HS6ST3: variants seen among roughly 807,000 people sequenced by gnomAD.
The protein encoded by HS6ST3 is heparan sulfate 6-O-sulfotransferase 3, also known as heparan-sulfate 6-O-sulfotransferase 3.
HS6ST3 carries 12 observed loss-of-function variants against 36.7 expected under a neutral mutation model. The observed-to-expected ratio is 0.33, with a 90% CI of 0.21 to 0.53. The LOEUF (loss-of-function observed/expected upper bound fraction) is 0.53. Among genes scored for constraint, HS6ST3 ranks in the 20% least tolerant of loss-of-function variants. The pLI, the probability that HS6ST3 is intolerant of heterozygous loss-of-function variation, is 0.95. For synonymous variants in HS6ST3, 240 were observed against 257.5 expected, an observed-to-expected ratio of 0.93 and a Z score of 0.65; for missense variants, 584 against 640.9, an observed-to-expected ratio of 0.91 and a Z score of 0.96.
chr13:96,518,851 A>C (rs1193001756), intron 1 of HS6ST3, among the ~76,000 whole-genome samples: 3 of 152,194 alleles, frequency 2.0e-5, no homozygotes, highest in African/African-American at 7.2e-5. Context: ...ATTCAAAGTC[A>C]TTTTGTAGTT....
intron 1 of HS6ST3, among the ~76,000 whole-genome samples, chr13:96,805,064 A>G (rs1156649572): frequency 6.6e-6 from 1 of 152,214 alleles, no homozygotes; most frequent in East Asian, 1.9e-4. Flanking sequence ...GTTATTTTGG[A>G]CATACATAAA....
intron 1 of HS6ST3, among the ~76,000 whole-genome samples, chr13:96,148,517 T>C (rs567793803): frequency 6.6e-6 from 1 of 152,300 alleles, no homozygotes; most frequent in East Asian, 1.9e-4. Context: ...ACTAGAGCTA[T>C]TTATTAAGTG....
At chr13:96,360,419 A>G (rs1249994522) in intron 1 of HS6ST3, among the ~76,000 whole-genome samples, 2 of 152,100 alleles carry the variant, frequency 1.3e-5, no homozygotes, top group African/African-American at 4.8e-5. Context: ...TAGACCTTCA[A>G]GCTGGTTGTG....
intron 1 of HS6ST3, among the ~76,000 whole-genome samples, chr13:96,184,221 A>AAAAAAAGAGAGAGAGAGAGAG (rs1555389928): frequency 1.6e-5 from 1 of 61,004 alleles, no homozygotes; most frequent in African/African-American, 7.4e-5. Context: ...AAAAAAAAAA[A>AAAAAAAGAGAGAGAGAGAGAG]AGAGAGAGAG....
chr13:96,764,594 G>T (rs542211113), intron 1 of HS6ST3, among the ~76,000 whole-genome samples: 4 of 152,290 alleles, frequency 2.6e-5, no homozygotes, highest in Non-Finnish European at 2.9e-5. Flanking sequence ...AGTCTTTCCA[G>T]CCATGCCATC....
chr13:96,354,717 G>A (rs963908119), intron 1 of HS6ST3, among the ~76,000 whole-genome samples: 1 of 152,072 alleles, frequency 6.6e-6, no homozygotes, highest in Non-Finnish European at 1.5e-5. Flanking sequence ...GATAATGTAA[G>A]TGTTGTGAGA....
At chr13:96,628,843 GTTGT>G (rs761991866) in intron 1 of HS6ST3, among the ~76,000 whole-genome samples, 6 of 151,998 alleles carry the variant, frequency 3.9e-5, no homozygotes, top group Admixed American at 6.6e-5. Context: ...GTGTGTGTGT[GTTGT>G]TTAAGATATA....
intron 1 of HS6ST3, among the ~76,000 whole-genome samples, chr13:96,498,086 T>C (rs968849663): frequency 3.3e-5 from 5 of 152,168 alleles, no homozygotes; most frequent in Non-Finnish European, 7.3e-5. Flanking sequence ...TTGGGGGGAT[T>C]TCAGTGGGCT....
intron 1 of HS6ST3, among the ~76,000 whole-genome samples, chr13:96,593,362 T>C (rs896498517): frequency 6.6e-6 from 1 of 150,764 alleles, no homozygotes; most frequent in Non-Finnish European, 1.5e-5. Flanking sequence ...TTTTTTTTTG[T>C]TTTTCGTATT....
chr13:96,162,769 A>T (rs2054141969), intron 1 of HS6ST3, among the ~76,000 whole-genome samples: 1 of 152,200 alleles, frequency 6.6e-6, no homozygotes, highest in African/African-American at 2.4e-5. Context: ...ATTTTATGTT[A>T]TCTAGGAGTT....
chr13:96,832,408 A>G (rs1878820799), intron 1 of HS6ST3, 82 bp from the exon 2 acceptor site: 3 of 1,021,014 alleles, frequency 2.9e-6, no homozygotes, highest in Non-Finnish European at 4.2e-6. Context: ...CCTTGACTCA[A>G]TGCCGATGTA....
chr13:96,354,828 C>G (rs981665604), intron 1 of HS6ST3, among the ~76,000 whole-genome samples: 1 of 152,090 alleles, frequency 6.6e-6, no homozygotes, highest in African/African-American at 2.4e-5. Flanking sequence ...TACTTGCTAT[C>G]AAATATAGAA....
chr13:96,173,952 A>G (rs193124133), intron 1 of HS6ST3, among the ~76,000 whole-genome samples: 2 of 152,280 alleles, frequency 1.3e-5, no homozygotes, highest in Admixed American at 1.3e-4. Context: ...TGTAATCTGT[A>G]GGTAAACCAT....
chr13:96,833,334 T>TTGTCTTCA lies in HS6ST3; in HGVS notation c.*138_*145dup. Reference sequence around the variant, plus strand: ...TTGATTTGGACATCTTCTTCCTTCTTTGTCTTCATTTTTATCCAGCTGGAG... The same window carrying TTGTCTTCA: ...TTGATTTGGACATCTTCTTCCTTCTTTGTCTTCATGTCTTCATTTTTATCCAGCTGGAG... On this transcript the variant is annotated 3_prime_UTR_variant, in exon 2 of 2. Transcript: ENST00000376705. 1 of 650,974 alleles carries TTGTCTTCA rather than the reference T, an allele frequency of 1.5e-6. No homozygotes were observed. The highest frequency in any genetic ancestry group is 2.5e-6 in the Non-Finnish European group (1 of 392,398). The allele number at this position is 650,974 out of a possible 1,614,324, so 40.3% of individuals were successfully genotyped here.
intron 1 of HS6ST3, among the ~76,000 whole-genome samples, chr13:96,095,244 A>G (rs1378303187): frequency 6.6e-6 from 1 of 152,246 alleles, no homozygotes; most frequent in Non-Finnish European, 1.5e-5. Flanking sequence ...GCCAGGCACT[A>G]CGATAGTTCT....
intron 1 of HS6ST3, among the ~76,000 whole-genome samples, chr13:96,366,855 T>C (rs186456926): frequency 1.8e-4 from 28 of 152,340 alleles, no homozygotes; most frequent in Admixed American, 1.3e-3. Context: ...TTCCCCATAC[T>C]GTTCTCATGG....
chr13:96,467,108 T>G (rs1323917976), intron 1 of HS6ST3, among the ~76,000 whole-genome samples: 6 of 152,184 alleles, frequency 3.9e-5, no homozygotes, highest in African/African-American at 1.4e-4. Context: ...TAAACTTCCC[T>G]TCTGTCTCTG....
At chr13:96,350,094 T>A (rs2055174536) in intron 1 of HS6ST3, among the ~76,000 whole-genome samples, 1 of 151,858 alleles carries the variant, frequency 6.6e-6, no homozygotes, top group African/African-American at 2.4e-5. Flanking sequence ...GTTCCAACAA[T>A]CATGAAATTT....
chr13:96,680,498 C>T (rs1049627009), intron 1 of HS6ST3, among the ~76,000 whole-genome samples: 3 of 152,120 alleles, frequency 2.0e-5, no homozygotes, highest in Admixed American at 2.0e-4. Context: ...CTTTAGTGCA[C>T]TCCAATCGGG....
Sources: gnomAD v4.1 joint callset for allele counts (sites outside exome capture counted in the v4.1 genomes callset) on GRCh38, gnomAD v4.1.1 for gene constraint, MANE v1.5 for transcripts, NCBI Gene and HGNC (gene_info 2026-07-23, HGNC 2026-07-21) for gene names.